Variants in IL18BP observed in about 807,000 individuals in gnomAD.
IL18BP encodes interleukin-18-binding protein.
Under a neutral mutation model 19.9 loss-of-function variants are expected in IL18BP, and 23 were observed. The observed-to-expected ratio is 1.15, with a 90% CI of 0.83 to 1.64. IL18BP has a LOEUF of 1.64. Ranked by LOEUF, IL18BP falls within the 40% of genes most tolerant of loss-of-function variation. The pLI is 0.00. For synonymous variants in IL18BP, 107 were observed against 101.0 expected (o/e 1.06, Z -0.35); for missense variants, 239 against 240.7 (o/e 0.99, Z 0.05).
At chr11:72,007,879 C>T (rs534171221), downstream of IL18BP, 241 of 350,282 alleles carry the variant, frequency 6.9e-4, 2 homozygotes, top group Non-Finnish European at 1.2e-3. Context: ...AACCACACCC[C>T]ACTCCATGCT....
downstream of IL18BP, chr11:72,004,559 G>A (rs1955544508): frequency 2.8e-6 from 4 of 1,438,698 alleles, no homozygotes; most frequent in Admixed American, 4.0e-5. Flanking sequence ...GAAGGAGAGA[G>A]AAGGCTCCCT....
chr11:72,003,881 C>T, downstream of IL18BP: 1 of 1,613,454 alleles, frequency 6.2e-7, no homozygotes, highest in East Asian at 2.2e-5. Flanking sequence ...CTGCCAGTGC[C>T]TCTACCTTGC....
intron 3 of IL18BP, 102 bp downstream of exon 3, chr11:72,000,659 GA>G: frequency 9.3e-6 from 9 of 971,224 alleles, no homozygotes; most frequent in Non-Finnish European, 1.4e-5. Context: ...ACCACCAGCT[GA>G]GCCAGCTGGG....
At chr11:72,005,960 T>C, downstream of IL18BP, 2 of 1,258,574 alleles carry the variant, frequency 1.6e-6, no homozygotes, top group Non-Finnish European at 2.2e-6. Flanking sequence ...TTAAAAAGCT[T>C]TCCTCTTTTC....
downstream of IL18BP, chr11:72,007,352 A>G (rs1955802044): frequency 6.2e-7 from 1 of 1,613,578 alleles, no homozygotes; most frequent in East Asian, 2.2e-5. Flanking sequence ...CAGGGATTCT[A>G]CCTTGGGGGG....
At chr11:72,003,982 G>A (rs149006752), downstream of IL18BP, 55 of 1,613,270 alleles carry the variant, frequency 3.4e-5, no homozygotes, top group African/African-American at 1.6e-4. Context: ...GTTCCACTGC[G>A]AGTGTTGGGG....
downstream of IL18BP, chr11:72,007,556 T>G (rs1482311365): frequency 1.2e-5 from 15 of 1,279,404 alleles, no homozygotes; most frequent in Non-Finnish European, 1.5e-5. Context: ...GCAGCCCATC[T>G]CTCTGATTTT....
At chr11:72,004,494 G>T, downstream of IL18BP, 1 of 1,211,082 alleles carries the variant, frequency 8.3e-7, no homozygotes, top group Non-Finnish European at 1.2e-6. Context: ...CTTCCCAACA[G>T]TTCCCATCCA....
At chr11:72,000,162 C>G in intron 2 of IL18BP, 150 bp downstream of exon 2, 1 of 945,272 alleles carries the variant, frequency 1.1e-6, no homozygotes, top group Non-Finnish European at 1.6e-6. Flanking sequence ...GATATTGTAG[C>G]TCTGGCTCCA....
At chr11:72,003,008 TCC>T (rs1227987197), downstream of IL18BP, 4 of 235,098 alleles carry the variant, frequency 1.7e-5, no homozygotes, top group Admixed American at 2.2e-4. Context: ...CTGAAGGCTG[TCC>T]CCCAACCCCA....
At chr11:72,001,104 C>T in intron 3 of IL18BP, 97 bp from the exon 4 acceptor site, 1 of 1,465,760 alleles carries the variant, frequency 6.8e-7, no homozygotes, top group South Asian at 1.2e-5. Context: ...GTTCCAGATG[C>T]ATGGGGACTG....
downstream of IL18BP, chr11:72,006,394 A>AGT (rs370383187): frequency 1.4e-6 from 1 of 712,384 alleles, no homozygotes; most frequent in African/African-American, 1.8e-5. Context: ...AGGTCCTTAA[A>AGT]GTGTGTGTCT....
At chr11:72,007,233 C>T (rs776648169), downstream of IL18BP, 52 of 1,612,718 alleles carry the variant, frequency 3.2e-5, no homozygotes, top group Middle Eastern at 1.7e-4. Context: ...CGCCGACGAG[C>T]GGAGCGGGTC....
downstream of IL18BP, among the ~76,000 whole-genome samples, chr11:72,005,052 A>G (rs2155146): frequency 5.3e-5 from 8 of 152,074 alleles, no homozygotes; most frequent in Non-Finnish European, 2.9e-5. Flanking sequence ...TGCCTACCCC[A>G]AGGGACTTCA....
At chr11:72,000,722 G>C (rs1035815386) in intron 3 of IL18BP, among the ~76,000 whole-genome samples, 165 bp downstream of exon 3, 4 of 152,192 alleles carry the variant, frequency 2.6e-5, no homozygotes, top group Non-Finnish European at 5.9e-5. Flanking sequence ...GTGCAGGCTT[G>C]GCGCAGCTCC....
At position 71,998,994 on chromosome 11, in the gene IL18BP, G is replaced by T. The variant is rs1359613573; in HGVS notation, c.-84G>T. ...TAGAGGGAAGCTTCTGGAAAGGAAG[G>T]CTCTTCAGGACCTCTTAGGAGCCAG... On this transcript the variant is annotated 5_prime_UTR_variant, in exon 1 of 6. Coordinates refer to ENST00000393703, the MANE Select transcript of IL18BP (RefSeq NM_001039660.2). 6.3e-6 allele frequency: 2 copies of T among 315,056 alleles called. No individual in the cohort carries two copies. Among genetic ancestry groups the T allele is most frequent in the African/African-American group, 2.2e-5 (1 of 46,406 alleles). 19.5% of individuals were successfully genotyped at this position (315,056 alleles called of 1,614,324 possible). A position where few individuals can be genotyped will look rare whatever the true frequency, so the allele number is the denominator to read the frequency against.
At chr11:72,005,624 C>T (rs1435540905), downstream of IL18BP, 2 of 521,612 alleles carry the variant, frequency 3.8e-6, no homozygotes, top group South Asian at 2.7e-5. Context: ...ACTCACCTGC[C>T]AAGGCTTGGT....
intron 3 of IL18BP, among the ~76,000 whole-genome samples, 160 bp from the exon 4 acceptor site, chr11:72,001,041 G>A (rs1016950080): frequency 1.1e-4 from 16 of 152,228 alleles, no homozygotes; most frequent in African/African-American, 3.6e-4. Flanking sequence ...GGAGACAACT[G>A]CACTTCTGTA....
chr11:72,001,631 C>A, intron 5 of IL18BP, 79 bp downstream of exon 5: 1 of 1,590,756 alleles, frequency 6.3e-7, no homozygotes, highest in Non-Finnish European at 8.6e-7. Flanking sequence ...TGGGCTCTGC[C>A]AGAGCAGCCT....
Sources: allele counts gnomAD v4.1 joint callset (sites outside exome capture counted in the v4.1 genomes callset), GRCh38; gene constraint gnomAD v4.1.1; transcripts MANE v1.5; gene names NCBI Gene and HGNC (gene_info 2026-07-23, HGNC 2026-07-21).